The following SPAG16 variants were observed in gnomAD, a reference collection of about 807,000 sequenced individuals.
The protein encoded by SPAG16 is sperm associated antigen 16.
A neutral mutation model predicts 80.4 loss-of-function variants in SPAG16; 86 were observed. That is an observed-to-expected ratio of 1.07 (90% CI 0.90 to 1.28). The LOEUF (loss-of-function observed/expected upper bound fraction) is 1.28, where lower values mean the gene tolerates loss of function less well. Ranked by LOEUF, SPAG16 falls within the 50% of genes most tolerant of loss-of-function variation. SPAG16 has a pLI of 0.00. For synonymous variants in SPAG16, 294 were observed against 265.9 expected (o/e 1.11, Z -1.03); for missense variants, 870 against 765.3 (o/e 1.14, Z -1.61).
intron 1 of SPAG16, among the ~76,000 whole-genome samples, chr2:213,291,597 C>T (rs2126056923): frequency 6.6e-6 from 1 of 152,128 alleles, no homozygotes; most frequent in South Asian, 2.1e-4. Flanking sequence ...TCAAATTGAG[C>T]TATTTATGTG....
chr2:214,396,528 T>C (rs1286601836), intron 15 of SPAG16, among the ~76,000 whole-genome samples: 1 of 152,138 alleles, frequency 6.6e-6, no homozygotes, highest in African/African-American at 2.4e-5. Context: ...GTGAAGAAAA[T>C]AATCTAATAA....
chr2:213,969,979 A>G (rs998551391), intron 12 of SPAG16, among the ~76,000 whole-genome samples: 1 of 152,194 alleles, frequency 6.6e-6, no homozygotes, highest in Non-Finnish European at 1.5e-5. Context: ...TGGAGCCTGG[A>G]AAGTCTAAGA....
chr2:213,642,021 C>T (rs530754871), intron 10 of SPAG16, among the ~76,000 whole-genome samples: 1 of 152,294 alleles, frequency 6.6e-6, no homozygotes, highest in East Asian at 1.9e-4. Flanking sequence ...CCAATCACCT[C>T]CTTCTTTTGA....
chr2:213,663,127 A>G (rs569899870), intron 10 of SPAG16, among the ~76,000 whole-genome samples: 39 of 152,230 alleles, frequency 2.6e-4, no homozygotes, highest in African/African-American at 9.1e-4. Context: ...GTGTGACTGT[A>G]TGATCAGATC....
intron 9 of SPAG16, among the ~76,000 whole-genome samples, chr2:213,459,291 T>A (rs1000705299): frequency 2.0e-5 from 3 of 152,152 alleles, no homozygotes; most frequent in Non-Finnish European, 2.9e-5. Flanking sequence ...TTGTTGTTGT[T>A]TGGTTTTATT....
rs187218352 is a variant in SPAG16 at position 213,690,585 on chromosome 2, T to A, written c.1071-171900T>A. Among the ~76,000 whole-genome samples, 280 of 152,292 alleles carry A rather than the reference T, an allele frequency of 1.8e-3. 1 individual carries two copies. Among genetic ancestry groups the A allele is most frequent in the African/African-American group, 6.3e-3 (262 of 41,560 alleles). On this transcript the variant is annotated intron_variant, in intron 10 of 15. Transcript: ENST00000331683. ...TCTATTTGCCAGAGGAGACTGATAT[T>A]TGAGTTAGTAGACTGGGAGAGGAAA... is the stretch of plus-strand genomic sequence containing the variant.
intron 10 of SPAG16, among the ~76,000 whole-genome samples, chr2:213,755,441 C>A (rs146028365): frequency 6.6e-6 from 1 of 152,086 alleles, no homozygotes; most frequent in African/African-American, 2.4e-5. Context: ...CATCATTTCT[C>A]CTTTGAAATA....
chr2:213,834,606 G>T (rs906594443), intron 10 of SPAG16, among the ~76,000 whole-genome samples: 46 of 152,084 alleles, frequency 3.0e-4, no homozygotes, highest in African/African-American at 1.1e-3. Flanking sequence ...CTTGCTTTGT[G>T]GGAGGGGAGT....
At chr2:213,737,782 CT>C (rs1477984577) in intron 10 of SPAG16, among the ~76,000 whole-genome samples, 3 of 152,192 alleles carry the variant, frequency 2.0e-5, no homozygotes, top group Non-Finnish European at 4.4e-5. Flanking sequence ...GCCACCGCGC[CT>C]GGCCTCTCAT....
intron 12 of SPAG16, among the ~76,000 whole-genome samples, chr2:213,980,725 T>TATATAGAG (rs374274176): frequency 0.011 from 1,164 of 103,954 alleles, 40 homozygotes; most frequent in East Asian, 0.066. Context: ...TATATATATA[T>TATATAGAG]AGAGAGAGAG....
chr2:213,820,057 C>T (rs10932499), intron 10 of SPAG16, among the ~76,000 whole-genome samples: 91,427 of 151,074 alleles, frequency 0.61, 29,544 homozygotes, highest in South Asian at 0.86. Context: ...GGATTACAGG[C>T]GTGAGCCACC....
chr2:214,096,296 AT>A (rs1359242851), intron 13 of SPAG16, among the ~76,000 whole-genome samples: 1 of 151,554 alleles, frequency 6.6e-6, no homozygotes, highest in Non-Finnish European at 1.5e-5. Context: ...AAAATGTAGA[AT>A]TTTTTTCAAG....
rs571554223 is a variant in SPAG16, at chr2:213,329,036, G to A, written c.537-11127G>A. On this transcript the variant is annotated intron_variant, in intron 5 of 15. Transcript: ENST00000331683. Reference sequence around the variant, plus strand: ...CCACCATCCATGTAAGATGTGGCTTGCTCTTTTTGTCTTGCACCATGATAG... The same window carrying A: ...CCACCATCCATGTAAGATGTGGCTTACTCTTTTTGTCTTGCACCATGATAG... Among the ~76,000 whole-genome samples the A allele has an allele frequency of 6.6e-5, 10 of 152,222 alleles. 1 individual carries two copies. Among genetic ancestry groups the A allele is most frequent in the African/African-American group, 2.4e-4 (10 of 41,544 alleles).
At chr2:213,490,605 C>A (rs1039064017) in intron 10 of SPAG16, among the ~76,000 whole-genome samples, 1 of 151,940 alleles carries the variant, frequency 6.6e-6, no homozygotes, top group Non-Finnish European at 1.5e-5. Context: ...TATTTTAAAT[C>A]TTATAAAATG....
intron 4 of SPAG16, among the ~76,000 whole-genome samples, chr2:213,311,740 A>G (rs543136167): frequency 6.6e-6 from 1 of 151,728 alleles, no homozygotes; most frequent in South Asian, 2.1e-4. Flanking sequence ...TATTTTGATT[A>G]GAAAACTTTA....
At chr2:214,408,639 TA>T (rs1319159726) in intron 15 of SPAG16, among the ~76,000 whole-genome samples, 3 of 152,220 alleles carry the variant, frequency 2.0e-5, no homozygotes, top group African/African-American at 7.2e-5. Flanking sequence ...CTATAGCTTT[TA>T]TGGTGATATA....
At chr2:214,066,161 C>T (rs1199652132) in intron 13 of SPAG16, among the ~76,000 whole-genome samples, 1 of 152,094 alleles carries the variant, frequency 6.6e-6, no homozygotes, top group Admixed American at 6.6e-5. Context: ...TTTGCTAATT[C>T]CAGGAGGAAG....
chr2:213,916,825 T>G (rs2077993954), intron 11 of SPAG16, among the ~76,000 whole-genome samples: 1 of 152,218 alleles, frequency 6.6e-6, no homozygotes, highest in Non-Finnish European at 1.5e-5. Flanking sequence ...ATTTTTGTTT[T>G]TGTTACAATT....
At chr2:213,324,474 A>T (rs1003802305) in intron 5 of SPAG16, among the ~76,000 whole-genome samples, 1 of 152,062 alleles carries the variant, frequency 6.6e-6, no homozygotes, top group African/African-American at 2.4e-5. Flanking sequence ...TTCACTTTAG[A>T]TTAGTTTTGT....
Sources: allele counts gnomAD v4.1 joint callset (sites outside exome capture counted in the v4.1 genomes callset), GRCh38; gene constraint gnomAD v4.1.1; transcripts MANE v1.5; gene names NCBI Gene and HGNC (gene_info 2026-07-23, HGNC 2026-07-21).